The following UGT1A10 variants were observed in gnomAD, a reference collection of about 807,000 sequenced individuals.
UGT1A10 encodes the protein UDP-glucuronosyltransferase 1A10.
Under a neutral mutation model 45.8 loss-of-function variants are expected in UGT1A10, and 49 were observed. That is an observed-to-expected ratio of 1.07 (90% CI 0.85 to 1.36). The LOEUF is 1.36. Among genes scored for constraint, UGT1A10 ranks in the 40% most tolerant of loss-of-function variants. The pLI is 0.00. For missense variants in UGT1A10, 745 were observed against 668.6 expected (o/e 1.11, Z -1.26); for synonymous variants, 284 against 249.7 (o/e 1.14, Z -1.29).
intron 1 of UGT1A10, among the ~76,000 whole-genome samples, chr2:233,697,807 T>G (rs943865448): frequency 3.9e-5 from 6 of 152,202 alleles, no homozygotes; most frequent in African/African-American, 1.4e-4. Flanking sequence ...TTTTAAATTT[T>G]CTTTTTAATT....
intron 1 of UGT1A10, chr2:233,747,360 G>A: frequency 6.2e-7 from 1 of 1,603,748 alleles, no homozygotes; most frequent in Non-Finnish European, 8.5e-7. Context: ...GGCCGTGCGG[G>A]AGCTCCATGC....
At chr2:233,655,923 G>T (rs1019626307) in intron 1 of UGT1A10, among the ~76,000 whole-genome samples, 2 of 152,090 alleles carry the variant, frequency 1.3e-5, no homozygotes, top group Non-Finnish European at 2.9e-5. Context: ...TCTGATCACT[G>T]AAAAATTACA....
chr2:233,728,275 C>T (rs45459598), intron 1 of UGT1A10, among the ~76,000 whole-genome samples: 67 of 152,164 alleles, frequency 4.4e-4, no homozygotes, highest in Non-Finnish European at 6.9e-4. Context: ...CTGGAGCCTT[C>T]GGCATTCAGA....
intron 1 of UGT1A10, among the ~76,000 whole-genome samples, chr2:233,708,986 G>A (rs4663327): frequency 0.15 from 22,905 of 151,890 alleles, 2,054 homozygotes; most frequent in South Asian, 0.24. Flanking sequence ...TTCCTCGGCC[G>A]TGGCATCCTT....
chr2:233,701,794 A>G (rs2075651976), intron 1 of UGT1A10, among the ~76,000 whole-genome samples: 1 of 152,218 alleles, frequency 6.6e-6, no homozygotes, highest in South Asian at 2.1e-4. Context: ...CTTTGAAATC[A>G]ACGAGAACAA....
intron 1 of UGT1A10, chr2:233,718,998 G>T (rs759529745): frequency 1.9e-6 from 3 of 1,614,266 alleles, no homozygotes; most frequent in South Asian, 1.1e-5. Context: ...CCAGGCGGTG[G>T]TCCTCACCCC....
intron 1 of UGT1A10, chr2:233,672,171 T>G: frequency 1.9e-6 from 3 of 1,614,152 alleles, no homozygotes; most frequent in Non-Finnish European, 1.7e-6. Flanking sequence ...CTTATTCAAC[T>G]TCATATACCC....
At chr2:233,756,457 C>A (rs1258626961) in intron 1 of UGT1A10, 1 of 151,910 alleles carries the variant, frequency 6.6e-6, no homozygotes, top group Non-Finnish European at 1.5e-5. Context: ...CAAATATTTT[C>A]AATCTGCTGT....
chr2:233,645,005 G>A (rs2073561229), intron 1 of UGT1A10, among the ~76,000 whole-genome samples: 1 of 152,146 alleles, frequency 6.6e-6, no homozygotes, highest in African/African-American at 2.4e-5. Flanking sequence ...AGCTGAATTA[G>A]AGATATTGGG....
intron 1 of UGT1A10, among the ~76,000 whole-genome samples, chr2:233,684,765 T>C (rs2074699581): frequency 6.6e-6 from 1 of 152,152 alleles, no homozygotes; most frequent in Admixed American, 6.5e-5. Context: ...ATTCAGATCA[T>C]AAAGAGTGCC....
In UGT1A10 at chr2:233,713,252, C is replaced by T. The variant is rs17874941; in HGVS notation, c.856-53782C>T. On this transcript the variant is annotated intron_variant, in intron 1 of 4. Coordinates refer to ENST00000344644, the MANE Select transcript of UGT1A10 (RefSeq NM_019075.4). ...CGTATGCCATTTCATGGACCCAGGA[C>T]GAATTTGATCGCCTTTTGCTGGGTC... 2,469 of 1,614,186 alleles carry T rather than the reference C, an allele frequency of 1.5e-3. 3 individuals carry two copies. The highest frequency in any genetic ancestry group is 2.0e-3 in the Non-Finnish European group (2,339 of 1,180,040).
chr2:233,750,438 G>A (rs1694457559), intron 1 of UGT1A10, among the ~76,000 whole-genome samples: 1 of 151,952 alleles, frequency 6.6e-6, no homozygotes, highest in South Asian at 2.1e-4. Flanking sequence ...ATTTTATGGG[G>A]AGAAATTCAA....
At chr2:233,714,359 G>C (rs754648080) in intron 1 of UGT1A10, among the ~76,000 whole-genome samples, 1 of 152,198 alleles carries the variant, frequency 6.6e-6, no homozygotes, top group Non-Finnish European at 1.5e-5. Context: ...AGGTTTCAAA[G>C]AAGTTGACTC....
At chr2:233,743,262 C>T (rs764022501) in intron 1 of UGT1A10, 18 of 451,920 alleles carry the variant, frequency 4.0e-5, no homozygotes, top group Non-Finnish European at 7.5e-5. Context: ...CTCCATCTTC[C>T]TCCACTTCCA....
At chr2:233,660,096 C>T (rs1180143561) in intron 1 of UGT1A10, among the ~76,000 whole-genome samples, 2 of 152,196 alleles carry the variant, frequency 1.3e-5, no homozygotes, top group Admixed American at 1.3e-4. Flanking sequence ...GTTTTAAGTC[C>T]TGTGAAGTCA....
At chr2:233,681,939 T>C (rs1160422234) in intron 1 of UGT1A10, 3 of 1,612,020 alleles carry the variant, frequency 1.9e-6, no homozygotes, top group Non-Finnish European at 2.5e-6. Context: ...AGTTCTCTGA[T>C]GGCTCGTGCA....
At chr2:233,684,734 A>G (rs2074696944) in intron 1 of UGT1A10, among the ~76,000 whole-genome samples, 1 of 152,040 alleles carries the variant, frequency 6.6e-6, no homozygotes, top group African/African-American at 2.4e-5. Flanking sequence ...AATAGAAAAT[A>G]AATATAATTA....
At position 233,734,224 on chromosome 2, in the gene UGT1A10, G is replaced by T. The variant is rs1427177623; in HGVS notation, c.856-32810G>T. ...AGAGCCTGTTGTTGGTCTATTCAGAGATTCAACTTCTTCCTGCTTTAGTCT... is the reference window on the plus strand; with the variant it reads ...AGAGCCTGTTGTTGGTCTATTCAGATATTCAACTTCTTCCTGCTTTAGTCT... On this transcript the variant is annotated intron_variant, in intron 1 of 4. Coordinates refer to ENST00000344644, the MANE Select transcript of UGT1A10 (RefSeq NM_019075.4). 2.6e-5 allele frequency among the ~76,000 whole-genome samples: 4 copies of T among 152,156 alleles called. No individual in the cohort carries two copies. The East Asian group carries it at 5.8e-4, about 22-fold the overall frequency.
intron 1 of UGT1A10, among the ~76,000 whole-genome samples, chr2:233,660,828 G>T (rs1054650251): frequency 6.6e-6 from 1 of 152,018 alleles, no homozygotes; most frequent in East Asian, 1.9e-4. Flanking sequence ...TTCTCTTCAT[G>T]GGGTCTGGGA....
Sources: gnomAD v4.1 joint callset for allele counts (sites outside exome capture counted in the v4.1 genomes callset) on GRCh38, gnomAD v4.1.1 for gene constraint, MANE v1.5 for transcripts, NCBI Gene and HGNC (gene_info 2026-07-23, HGNC 2026-07-21) for gene names.